The following PACS1 variants were observed in gnomAD, a reference collection of about 807,000 sequenced individuals.
The protein encoded by PACS1 is PACS-1.
A neutral mutation model predicts 115.0 loss-of-function variants in PACS1; 24 were observed. That is an observed-to-expected ratio of 0.21 (90% CI 0.15 to 0.29). The LOEUF is 0.29. PACS1 is among the 10% of genes least tolerant of loss of function. PACS1 has a pLI of 1.00. For missense variants in PACS1, 838 were observed against 1,251.2 expected (o/e 0.67, Z 4.98); for synonymous variants, 453 against 504.5 (o/e 0.90, Z 1.37).
intron 1 of PACS1, among the ~76,000 whole-genome samples, chr11:66,161,294 A>T (rs1206382912): frequency 2.0e-5 from 3 of 151,092 alleles, no homozygotes; most frequent in Admixed American, 1.3e-4. Context: ...GAAAGGCACT[A>T]AAAAAAAATT....
intron 1 of PACS1, among the ~76,000 whole-genome samples, chr11:66,096,209 C>CTTTTTTTTTTTTTTTTTT (rs66569530): frequency 2.2e-4 from 26 of 119,514 alleles, no homozygotes; most frequent in African/African-American, 3.3e-4. Context: ...CTTTTTCTTT[C>CTTTTTTTTTTTTTTTTTT]TTTTTTTTTT....
chr11:66,212,193 A>G (rs516887), intron 4 of PACS1, among the ~76,000 whole-genome samples: 2 of 150,044 alleles, frequency 1.3e-5, no homozygotes, highest in Admixed American at 6.6e-5. Context: ...GTGCAGTGGC[A>G]TGATCTTGGC....
At chr11:66,146,032 A>G (rs1859114646) in intron 1 of PACS1, among the ~76,000 whole-genome samples, 1 of 152,204 alleles carries the variant, frequency 6.6e-6, no homozygotes, top group Non-Finnish European at 1.5e-5. Flanking sequence ...TTGCTACAAT[A>G]TATTATCTAA....
intron 1 of PACS1, among the ~76,000 whole-genome samples, chr11:66,100,042 A>G (rs504456): frequency 0.99 from 150,093 of 152,166 alleles, 74,047 homozygotes; most frequent in Middle Eastern, 1. Flanking sequence ...CAGCACACCC[A>G]GCTAATTTTG....
chr11:66,188,392 AAC>A (rs1554986811), intron 1 of PACS1, among the ~76,000 whole-genome samples: 2 of 151,860 alleles, frequency 1.3e-5, no homozygotes, highest in Non-Finnish European at 2.9e-5. Context: ...GACACACACA[AAC>A]ACACACACAT....
At chr11:66,223,403 T>G (rs2134723509) in intron 10 of PACS1, among the ~76,000 whole-genome samples, 1 of 152,196 alleles carries the variant, frequency 6.6e-6, no homozygotes, top group East Asian at 1.9e-4. Flanking sequence ...CTATTTTTTT[T>G]TTTTTGAGAT....
chr11:66,240,101 G>C (rs1321544775), intron 21 of PACS1, among the ~76,000 whole-genome samples: 3 of 152,258 alleles, frequency 2.0e-5, no homozygotes, highest in Non-Finnish European at 4.4e-5. Flanking sequence ...CTCTAAAAAA[G>C]AGAAAAAGAA....
At chr11:66,220,245 G>A (rs1441656142) in intron 8 of PACS1, 1 of 286,814 alleles carries the variant, frequency 3.5e-6, no homozygotes, top group Non-Finnish European at 6.6e-6. Flanking sequence ...GGCTCCGGGA[G>A]GGGCCCGTTT....
chr11:66,242,188 G>A (rs1400819101), intron 22 of PACS1, among the ~76,000 whole-genome samples: 1 of 152,216 alleles, frequency 6.6e-6, no homozygotes, highest in Non-Finnish European at 1.5e-5. Context: ...TGGGAGTGAG[G>A]CAGGAACCCC....
intron 1 of PACS1, among the ~76,000 whole-genome samples, chr11:66,090,001 A>T (rs541002578): frequency 1.4e-5 from 1 of 73,406 alleles, no homozygotes; most frequent in Non-Finnish European, 3.0e-5. Flanking sequence ...GCGAGACTCC[A>T]TCTCAAAAAA....
intron 1 of PACS1, among the ~76,000 whole-genome samples, chr11:66,148,663 C>T (rs570539794): frequency 5.3e-5 from 8 of 152,272 alleles, no homozygotes; most frequent in Admixed American, 1.3e-4. Context: ...CGGTGGCTCA[C>T]GCCTGTAATC....
chr11:66,218,056 C>T (rs905148469), intron 7 of PACS1: 4 of 158,822 alleles, frequency 2.5e-5, no homozygotes, highest in African/African-American at 9.6e-5. Flanking sequence ...CAGTGACCTC[C>T]CTTAGTGCCT....
At chr11:66,213,328 T>G (rs1855122318) in intron 4 of PACS1, among the ~76,000 whole-genome samples, 1 of 152,256 alleles carries the variant, frequency 6.6e-6, no homozygotes, top group Non-Finnish European at 1.5e-5. Flanking sequence ...TCATGCCAGC[T>G]TTGAGTCCTT....
chr11:66,183,627 C>T lies in PACS1; in HGVS notation c.357-9859C>T, dbSNP rs144498916. Among the ~76,000 whole-genome samples the T allele has an allele frequency of 9.9e-3, 1,507 of 152,210 alleles. 31 individuals are homozygous for T. The highest frequency in any genetic ancestry group is 0.034 in the African/African-American group (1,412 of 41,524). ...GCAAGCCCCAGAATTGGGGCTTAGC[C>T]CAGGAAGGTTCTTTGCTTTGCTCAG... On this transcript the variant is annotated intron_variant, in intron 1 of 23. Coordinates refer to ENST00000320580, the MANE Select transcript of PACS1 (RefSeq NM_018026.4).
At chr11:66,085,048 T>C (rs1257090163) in intron 1 of PACS1, among the ~76,000 whole-genome samples, 1 of 152,248 alleles carries the variant, frequency 6.6e-6, no homozygotes, top group Non-Finnish European at 1.5e-5. Context: ...GCAATCCTTA[T>C]TTATTTGATG....
At chr11:66,118,289 G>A (rs1413259721) in intron 1 of PACS1, among the ~76,000 whole-genome samples, 1 of 152,180 alleles carries the variant, frequency 6.6e-6, no homozygotes, top group African/African-American at 2.4e-5. Context: ...ACCTTGAGCT[G>A]CTACCTAGTG....
At chr11:66,117,701 C>G (rs990906194) in intron 1 of PACS1, among the ~76,000 whole-genome samples, 1 of 151,992 alleles carries the variant, frequency 6.6e-6, no homozygotes. Context: ...ACAAAATTAG[C>G]TGGGCATAGT....
At chr11:66,183,592 TGTAGG>T (rs2134658684) in intron 1 of PACS1, among the ~76,000 whole-genome samples, 1 of 152,310 alleles carries the variant, frequency 6.6e-6, no homozygotes, top group South Asian at 2.1e-4. Flanking sequence ...AAGGGACCAG[TGTAGG>T]ACAGGCAAGC....
chr11:66,189,801 G>A (rs967649734), intron 1 of PACS1, among the ~76,000 whole-genome samples: 2 of 152,152 alleles, frequency 1.3e-5, no homozygotes, highest in African/African-American at 4.8e-5. Flanking sequence ...CATCAGAAGC[G>A]TTCATGATTA....
Sources: allele counts gnomAD v4.1 joint callset (sites outside exome capture counted in the v4.1 genomes callset), GRCh38; gene constraint gnomAD v4.1.1; transcripts MANE v1.5; gene names NCBI Gene and HGNC (gene_info 2026-07-23, HGNC 2026-07-21).